HEATR1: variants seen among roughly 807,000 people sequenced by gnomAD.
HEATR1 encodes the protein HEAT repeat containing 1, also known as HEAT repeat-containing protein 1.
HEATR1 carries 77 observed loss-of-function variants against 248.2 expected under a neutral mutation model. The observed-to-expected ratio is 0.31, with a 90% CI of 0.26 to 0.37. HEATR1 has a LOEUF of 0.37. Among genes scored for constraint, HEATR1 ranks in the 10% least tolerant of loss-of-function variants. The probability of loss-of-function intolerance (pLI) is 1.00; values close to 1 mark genes in which losing one functional copy is unlikely to be tolerated. For missense variants in HEATR1, 2,420 were observed against 2,504.9 expected (o/e 0.97, Z 0.72); for synonymous variants, 897 against 923.1 (o/e 0.97, Z 0.51).
rs750009167 is a variant in HEATR1 at position 236,582,838 on chromosome 1, T to C, written c.2460A>G (p.Glu820=). 2 of 1,614,138 alleles carry C rather than the reference T, an allele frequency of 1.2e-6. No homozygotes were observed. Residue 820 remains glutamate (E), a synonymous_variant, in exon 19 of 45, where the codon GAA becomes GAG. Transcript: ENST00000366582. ...GCAAGTGCAGATAGTCCCTGCTGTC[T>C]TCTTTCAGTTGTTCAGGATTCCACC... ...DIWWNPEQLK[E]DSRDYLHLLI...
chr1:236,555,121 G>A (rs6668716), intron 41 of HEATR1, among the ~76,000 whole-genome samples, 175 bp downstream of exon 41: 1 of 151,996 alleles, frequency 6.6e-6, no homozygotes, highest in Non-Finnish European at 1.5e-5. Context: ...ATTCGCTCAT[G>A]ATGCTAAAAC....
intron 4 of HEATR1, among the ~76,000 whole-genome samples, chr1:236,598,792 C>A (rs144569930): frequency 7.9e-5 from 12 of 152,070 alleles, no homozygotes; most frequent in Non-Finnish European, 1.3e-4. Context: ...CCATTTGCCT[C>A]CCCCCCTACC....
chr1:236,581,051 C>T (rs1663722268), intron 20 of HEATR1, among the ~76,000 whole-genome samples, 171 bp downstream of exon 20: 1 of 151,960 alleles, frequency 6.6e-6, no homozygotes, highest in African/African-American at 2.4e-5. Flanking sequence ...ATCTCCTGAC[C>T]TCATGATCTG....
At chr1:236,565,281 GTA>G (rs528698625) in intron 31 of HEATR1, among the ~76,000 whole-genome samples, 211 of 152,306 alleles carry the variant, frequency 1.4e-3, no homozygotes, top group African/African-American at 4.9e-3. Flanking sequence ...GCTTCGAATT[GTA>G]GAGAACTAAG....
In HEATR1 at chr1:236,586,309, T is replaced by C. The variant is rs781365715; in HGVS notation, c.1859A>G (p.Lys620Arg). 1.8e-5 allele frequency: 29 copies of C among 1,613,618 alleles called. No individual in the cohort carries two copies. The Admixed American group carries it at 4.8e-4, about 27-fold the overall frequency. ...NNDDTESAEM[K>R]IAIYLSKSGI... The stretch of plus-strand genomic sequence containing the variant: ...TGATTTTGATAAATATATAGCAATT[T>C]TCATCTCAGCAGATTCCGTATCATC... The change falls in exon 15 of 45, where the codon AAA becomes AGA. Residue 620 changes from lysine to arginine, a missense_variant. Transcript: ENST00000366582.
intron 20 of HEATR1, among the ~76,000 whole-genome samples, chr1:236,580,704 G>C (rs1407625986): frequency 6.7e-6 from 1 of 148,962 alleles, no homozygotes; most frequent in East Asian, 2.0e-4. Flanking sequence ...TTTTGTAGAG[G>C]CAGGATCTCA....
At position 236,571,676 on chromosome 1, in the gene HEATR1, G is replaced by T. The variant is rs1334038526; in HGVS notation, c.3718C>A (p.Pro1240Thr). ...LFNLLSRCLE[P>T]LPQEQGNMEY... ...ATATTTCCCTGCTCTTGTGGCAAGG[G>T]TTCTAAACATCTTCAGGACACCCAA... The change falls in exon 27 of 45, where the codon CCC becomes ACC. Residue 1240 changes from proline (P) to threonine (T), a missense_variant. Coordinates refer to ENST00000366582, the MANE Select transcript of HEATR1 (RefSeq NM_018072.6). The T allele has an allele frequency of 3.7e-6, 6 of 1,609,888 alleles. No individual in the cohort carries two copies. The East Asian group carries it at 1.1e-4, about 30-fold the overall frequency.
chr1:236,576,998 A>G (rs1663579243), intron 20 of HEATR1, 49 bp from the exon 21 acceptor site: 1 of 1,447,066 alleles, frequency 6.9e-7, no homozygotes, highest in Non-Finnish European at 9.3e-7. Flanking sequence ...AAAAACTGAA[A>G]CAGTACAAAA....
At chr1:236,579,219 G>C (rs960534159) in intron 20 of HEATR1, among the ~76,000 whole-genome samples, 10 of 151,482 alleles carry the variant, frequency 6.6e-5, no homozygotes, top group Non-Finnish European at 1.5e-4. Context: ...GCATACAACT[G>C]TTTATTCAGT....
intron 43 of HEATR1, 82 bp from the exon 44 acceptor site, chr1:236,552,189 G>T: frequency 5.7e-6 from 5 of 880,460 alleles, no homozygotes; most frequent in East Asian, 2.5e-5. Flanking sequence ...CTTGAGACAA[G>T]CTCTAACTTT....
chr1:236,598,017 C>G (rs374821677), intron 4 of HEATR1, 38 bp from the exon 5 acceptor site: 10 of 1,283,780 alleles, frequency 7.8e-6, no homozygotes, highest in Non-Finnish European at 1.0e-5. Context: ...TAGCAACATT[C>G]ATCAACTGAT....
In HEATR1 at chr1:236,558,393, G is replaced by A; in HGVS notation, c.5048C>T (p.Ala1683Val). 1 of 1,614,158 alleles carries A rather than the reference G, an allele frequency of 6.2e-7. No individual in the cohort carries two copies. Among genetic ancestry groups the A allele is most frequent in the East Asian group, 2.2e-5 (1 of 44,884 alleles). Residue 1683 changes from alanine to valine, a missense_variant, in exon 36 of 45, where the codon GCA becomes GTA. By Grantham distance (64) the Ala-to-Val change is moderately conservative. Coordinates refer to ENST00000366582, the MANE Select transcript of HEATR1 (RefSeq NM_018072.6). ...TLKLLCKNFG[A>V]ENPDPFVPVL... Reference sequence around the variant, plus strand: ...TGGGACAAAAGGATCTGGATTTTCTGCACCAAAATTCTTGCATAAAAGCTT... The same window carrying A: ...TGGGACAAAAGGATCTGGATTTTCTACACCAAAATTCTTGCATAAAAGCTT...
chr1:236,591,642 T>C (rs1664040257), intron 11 of HEATR1, among the ~76,000 whole-genome samples: 1 of 152,170 alleles, frequency 6.6e-6, no homozygotes, highest in Non-Finnish European at 1.5e-5. Flanking sequence ...TAGCCATCTG[T>C]GGCTGGTACA....
At chr1:236,559,960 T>C in intron 33 of HEATR1, 123 bp from the exon 34 acceptor site, 1 of 1,019,222 alleles carries the variant, frequency 9.8e-7, no homozygotes, top group South Asian at 2.2e-5. Context: ...ACTAAATTAT[T>C]TCAAAAACTA....
intron 20 of HEATR1, among the ~76,000 whole-genome samples, chr1:236,578,185 T>C (rs1229228156): frequency 1.3e-5 from 2 of 152,210 alleles, no homozygotes; most frequent in African/African-American, 4.8e-5. Context: ...TGTTAAATCT[T>C]TAGTTCACAT....
At chr1:236,580,282 A>ACT (rs1168540192) in intron 20 of HEATR1, among the ~76,000 whole-genome samples, 1 of 152,224 alleles carries the variant, frequency 6.6e-6, no homozygotes, top group African/African-American at 2.4e-5. Flanking sequence ...TAAAAGAGAT[A>ACT]AATGCAGGAG....
chr1:236,566,230 C>G (rs563580682), intron 30 of HEATR1, among the ~76,000 whole-genome samples, 185 bp from the exon 31 acceptor site: 3 of 152,166 alleles, frequency 2.0e-5, no homozygotes, highest in Non-Finnish European at 4.4e-5. Context: ...CTTATCCAAA[C>G]AGGGCTTTAT....
At chr1:236,576,489 C>T (rs1663564856) in intron 21 of HEATR1, 112 bp from the exon 22 acceptor site, 1 of 849,762 alleles carries the variant, frequency 1.2e-6, no homozygotes, top group Non-Finnish European at 1.7e-6. Flanking sequence ...TTATAATTTT[C>T]CATTTCTCCT....
Position 236,553,573 on chromosome 1 carries a change from T to G in HEATR1, c.6237+8A>C. On this transcript the variant is annotated splice_region_variant and intron_variant, in intron 43 of 44. Transcript: ENST00000366582. ...TGCAGTTTCAGTACTTGTCACGCAG[T>G]TCCTAACCTTAGGCGAGGAGTCTCT... The G allele has an allele frequency of 6.2e-7, 1 of 1,613,000 alleles. No individual in the cohort carries two copies. Among genetic ancestry groups the G allele is most frequent in the Non-Finnish European group, 8.5e-7 (1 of 1,179,430 alleles).
Sources: gnomAD v4.1 joint callset for allele counts (sites outside exome capture counted in the v4.1 genomes callset) on GRCh38, gnomAD v4.1.1 for gene constraint, MANE v1.5 for transcripts, NCBI Gene and HGNC (gene_info 2026-07-23, HGNC 2026-07-21) for gene names.